Variants in CENPP observed in about 807,000 individuals in gnomAD.
CENPP encodes centromere protein P.
Under a neutral mutation model 35.6 loss-of-function variants are expected in CENPP, and 24 were observed. The ratio of observed to expected loss-of-function variants is 0.67; its 90% CI spans 0.49 to 0.95. The LOEUF is 0.95. CENPP is among the 40% of genes least tolerant of loss of function. CENPP has a pLI of 0.00. For missense variants in CENPP, 332 were observed against 345.3 expected, an observed-to-expected ratio of 0.96 and a Z score of 0.31; for synonymous variants, 120 against 125.5, an observed-to-expected ratio of 0.96 and a Z score of 0.29.
chr9:92,488,414 T>A (rs1846109454), intron 5 of CENPP, among the ~76,000 whole-genome samples: 1 of 152,252 alleles, frequency 6.6e-6, no homozygotes, highest in African/African-American at 2.4e-5. Flanking sequence ...ATTCTTAACT[T>A]GGGTATATGA....
At position 92,379,868 on chromosome 9, in the gene CENPP, T is replaced by A. The variant is rs566007012; in HGVS notation, c.564+9T>A. The stretch of plus-strand genomic sequence containing the variant: ...CGTTTAAACATCTCAAGGTAAAGTC[T>A]GAAGTCTTTGAATTTAAACATATAT... On this transcript the variant is annotated intron_variant, in intron 5 of 7. Coordinates refer to ENST00000375587, the MANE Select transcript of CENPP (RefSeq NM_001012267.3). The A allele has an allele frequency of 5.9e-6, 9 of 1,531,942 alleles. No homozygotes were observed. The African/African-American group carries it at 1.2e-4, about 21-fold the overall frequency. 94.9% of individuals were successfully genotyped at this position (1,531,942 alleles called of 1,614,324 possible).
Position 92,502,849 on chromosome 9 carries a change from G to A in CENPP, c.565-108465G>A, listed in dbSNP as rs777429736. ...TTGAGACAGGGTCTCACTTTGTTACGCAGGATGGAGTGCAGTGGCACAAAC... is the reference window on the plus strand; with the variant it reads ...TTGAGACAGGGTCTCACTTTGTTACACAGGATGGAGTGCAGTGGCACAAAC... On this transcript the variant is annotated intron_variant, in intron 5 of 7. Coordinates refer to ENST00000375587, the MANE Select transcript of CENPP (RefSeq NM_001012267.3). Among the ~76,000 whole-genome samples the A allele has an allele frequency of 1.8e-4, 23 of 130,608 alleles. 1 individual carries two copies. Among genetic ancestry groups the A allele is most frequent in the Middle Eastern group, 0.011 (2 of 182 alleles). The allele number at this position is 130,608 out of a possible 152,430, so 85.7% of individuals were successfully genotyped here.
chr9:92,453,784 T>C (rs759453642), intron 5 of CENPP, among the ~76,000 whole-genome samples: 1 of 152,090 alleles, frequency 6.6e-6, no homozygotes, highest in Non-Finnish European at 1.5e-5. Context: ...AGAGAAATAG[T>C]ATGGTAGCTT....
chr9:92,589,621 C>A (rs1284961388), intron 5 of CENPP, among the ~76,000 whole-genome samples: 1 of 152,170 alleles, frequency 6.6e-6, no homozygotes, highest in Non-Finnish European at 1.5e-5. Context: ...TGAAGTTCCA[C>A]CTTCTTTACA....
At chr9:92,349,417 T>C (rs1057110029) in intron 4 of CENPP, among the ~76,000 whole-genome samples, 8 of 151,180 alleles carry the variant, frequency 5.3e-5, no homozygotes, top group Non-Finnish European at 8.9e-5. Context: ...TTATTTTTTT[T>C]TTTTTGAGAC....
chr9:92,608,432 C>A (rs1388043113), intron 5 of CENPP, among the ~76,000 whole-genome samples: 2 of 152,164 alleles, frequency 1.3e-5, no homozygotes, highest in Non-Finnish European at 2.9e-5. Flanking sequence ...CTCTTTCTTG[C>A]CAATTTGGTC....
intron 5 of CENPP, among the ~76,000 whole-genome samples, chr9:92,497,822 C>T (rs1440487942): frequency 6.7e-6 from 1 of 148,154 alleles, no homozygotes; most frequent in African/African-American, 2.5e-5. Context: ...TCTCTAGGAT[C>T]AGGGGAGTGA....
intron 5 of CENPP, chr9:92,512,005 A>G: frequency 6.3e-7 from 1 of 1,598,190 alleles, no homozygotes; most frequent in Non-Finnish European, 8.6e-7. Flanking sequence ...CAGAGCATGT[A>G]TTTACCTTGA....
At chr9:92,432,114 C>G (rs746727768) in intron 5 of CENPP, among the ~76,000 whole-genome samples, 2 of 152,036 alleles carry the variant, frequency 1.3e-5, no homozygotes, top group Non-Finnish European at 2.9e-5. Flanking sequence ...CACCTGAGGT[C>G]AGGAGTTCGA....
chr9:92,337,053 C>T (rs1588036563), intron 2 of CENPP, among the ~76,000 whole-genome samples: 2 of 152,254 alleles, frequency 1.3e-5, no homozygotes, highest in South Asian at 2.1e-4. Flanking sequence ...CGCAGTGGCT[C>T]ATGCCAGTAA....
intron 3 of CENPP, chr9:92,340,509 A>G (rs1458113731): frequency 6.5e-6 from 1 of 152,694 alleles, no homozygotes; most frequent in East Asian, 1.9e-4. Flanking sequence ...GTCACCATGT[A>G]AAATGTTGCG....
At chr9:92,500,880 A>T in intron 5 of CENPP, 1 of 1,614,192 alleles carries the variant, frequency 6.2e-7, no homozygotes, top group Non-Finnish European at 8.5e-7. Flanking sequence ...ATCATCAGCA[A>T]GTTTGTTAAA....
intron 5 of CENPP, among the ~76,000 whole-genome samples, chr9:92,430,728 C>A (rs1406468596): frequency 2.6e-5 from 4 of 152,082 alleles, no homozygotes; most frequent in Non-Finnish European, 5.9e-5. Flanking sequence ...CTGAAAAATT[C>A]TTCCTTGATT....
chr9:92,498,035 G>A (rs1037501581), intron 5 of CENPP, among the ~76,000 whole-genome samples: 1 of 152,112 alleles, frequency 6.6e-6, no homozygotes, highest in Admixed American at 6.5e-5. Context: ...TACTTGCACA[G>A]CCTGAAGAAC....
At chr9:92,474,651 A>G (rs1845641008) in intron 5 of CENPP, 3 of 1,613,546 alleles carry the variant, frequency 1.9e-6, no homozygotes. Flanking sequence ...ACAACTCGTG[A>G]ATAGCACTGA....
intron 5 of CENPP, among the ~76,000 whole-genome samples, chr9:92,432,551 C>T (rs1485912942): frequency 2.6e-5 from 4 of 152,074 alleles, no homozygotes; most frequent in Admixed American, 2.0e-4. Context: ...TTGTAGAATC[C>T]TTGCCAAATA....
At chr9:92,451,744 T>A (rs1379426985) in intron 5 of CENPP, among the ~76,000 whole-genome samples, 2 of 130,808 alleles carry the variant, frequency 1.5e-5, no homozygotes, top group Non-Finnish European at 3.3e-5. Context: ...GGAATGTTCT[T>A]CCATTTGTTT....
intron 5 of CENPP, among the ~76,000 whole-genome samples, chr9:92,506,768 T>C (rs1313783721): frequency 2.0e-5 from 3 of 152,180 alleles, no homozygotes; most frequent in Non-Finnish European, 4.4e-5. Context: ...AATAGCCAGC[T>C]GAGCACATGT....
At chr9:92,612,453 G>A (rs1370621713) in intron 6 of CENPP, 70 bp from the exon 7 acceptor site, 9 of 1,215,070 alleles carry the variant, frequency 7.4e-6, no homozygotes, top group South Asian at 4.9e-5. Context: ...GACCAGGTGC[G>A]ACTCATGGTT....
Sources: gnomAD v4.1 joint callset for allele counts (sites outside exome capture counted in the v4.1 genomes callset) on GRCh38, gnomAD v4.1.1 for gene constraint, MANE v1.5 for transcripts, NCBI Gene and HGNC (gene_info 2026-07-23, HGNC 2026-07-21) for gene names.